ZDHHC17: variants seen among roughly 807,000 people sequenced by gnomAD.
The protein encoded by ZDHHC17 is zDHHC palmitoyltransferase 17, also known as palmitoyltransferase ZDHHC17.
A neutral mutation model predicts 90.3 loss-of-function variants in ZDHHC17; 40 were observed. The observed-to-expected ratio is 0.44, with a 90% confidence interval of 0.34 to 0.58. ZDHHC17 has a LOEUF of 0.58. ZDHHC17 is among the 20% of genes least tolerant of loss of function. The pLI is 0.01. For synonymous variants in ZDHHC17, 235 were observed against 252.4 expected (o/e 0.93, Z 0.65); for missense variants, 614 against 780.8 (o/e 0.79, Z 2.55).
At chr12:76,798,596 C>T (rs1952850877) in intron 2 of ZDHHC17, among the ~76,000 whole-genome samples, 3 of 151,980 alleles carry the variant, frequency 2.0e-5, no homozygotes, top group African/African-American at 7.3e-5. Flanking sequence ...TCCGTTCTCT[C>T]ACTGCTATAA....
At chr12:76,836,159 T>C (rs1953360013) in intron 10 of ZDHHC17, among the ~76,000 whole-genome samples, 1 of 152,032 alleles carries the variant, frequency 6.6e-6, no homozygotes, top group Non-Finnish European at 1.5e-5. Context: ...TGTTATGTTT[T>C]GATATCAACA....
At chr12:76,846,190 G>GT (rs1592500374) in intron 13 of ZDHHC17, 2 of 232,956 alleles carry the variant, frequency 8.6e-6, no homozygotes, top group East Asian at 2.1e-4. Context: ...AAACTACATG[G>GT]TTTGAGACAT....
At chr12:76,840,207 A>G (rs993933669) in intron 10 of ZDHHC17, 1 of 151,038 alleles carries the variant, frequency 6.6e-6, no homozygotes, top group Non-Finnish European at 1.5e-5. Flanking sequence ...CAAAATTAAA[A>G]GAAGTTTAAT....
At chr12:76,820,456 T>G (rs1442267866) in intron 7 of ZDHHC17, among the ~76,000 whole-genome samples, 4 of 152,316 alleles carry the variant, frequency 2.6e-5, no homozygotes, top group African/African-American at 9.6e-5. Flanking sequence ...CTGATAAATT[T>G]AGATGAATTG....
At chr12:76,769,508 T>A (rs1169902003) in intron 1 of ZDHHC17, among the ~76,000 whole-genome samples, 1 of 152,198 alleles carries the variant, frequency 6.6e-6, no homozygotes, top group Non-Finnish European at 1.5e-5. Flanking sequence ...ACAAAATGAC[T>A]TTGAAAGTTG....
intron 2 of ZDHHC17, among the ~76,000 whole-genome samples, chr12:76,801,107 C>CA (rs1952882612): frequency 6.6e-6 from 1 of 151,126 alleles, no homozygotes; most frequent in East Asian, 2.0e-4. Flanking sequence ...AGGCTGGTCT[C>CA]AAACTCCTGA....
intron 3 of ZDHHC17, among the ~76,000 whole-genome samples, chr12:76,807,322 T>C (rs965731203): frequency 6.6e-6 from 1 of 152,216 alleles, no homozygotes; most frequent in African/African-American, 2.4e-5. Flanking sequence ...TTTTCTGCAA[T>C]GTATTTATAT....
Position 76,814,957 on chromosome 12 carries a change from T to C in ZDHHC17, c.544-189T>C, listed in dbSNP as rs1056895344. 3.3e-5 allele frequency among the ~76,000 whole-genome samples: 5 copies of C among 152,116 alleles called. No homozygotes were observed. The East Asian group carries it at 5.8e-4, about 18-fold the overall frequency. ...AAGGGAATAATGTAAAAGCATGATA[T>C]ATGTTCACTAGAGTATATAGTGACA... On this transcript the variant is annotated intron_variant, in intron 5 of 16. Coordinates refer to ENST00000426126, the MANE Select transcript of ZDHHC17 (RefSeq NM_015336.4).
chr12:76,773,065 C>T (rs547341021), intron 1 of ZDHHC17, among the ~76,000 whole-genome samples: 167 of 152,280 alleles, frequency 1.1e-3, no homozygotes, highest in African/African-American at 3.9e-3. Flanking sequence ...ACCATGTTGG[C>T]CAGGCTGGTC....
intron 12 of ZDHHC17, chr12:76,844,311 A>C (rs968319153): frequency 2.6e-5 from 4 of 152,198 alleles, no homozygotes; most frequent in African/African-American, 9.6e-5. Context: ...CTATTATAAA[A>C]TCTTGCAGAT....
In ZDHHC17 at chr12:76,764,124, G is replaced by C. The variant is rs1159532856; in HGVS notation, c.-113G>C. ...AGGGGACAGAGGGGGCGTCACGGGG[G>C]CAGGAGAAGAAGGAGGAGGAGGCCC... On this transcript the variant is annotated 5_prime_UTR_variant, in exon 1 of 17. Transcript: ENST00000426126. 2 of 791,482 alleles carry C rather than the reference G, an allele frequency of 2.5e-6. No homozygotes were observed. Among genetic ancestry groups the C allele is most frequent in the South Asian group, 1.8e-5 (1 of 54,668 alleles). The allele number at this position is 791,482 out of a possible 1,614,324, so 49.0% of individuals were successfully genotyped here.
chr12:76,838,683 A>G (rs1016612633), intron 10 of ZDHHC17, among the ~76,000 whole-genome samples: 2 of 152,148 alleles, frequency 1.3e-5, no homozygotes, highest in African/African-American at 4.8e-5. Flanking sequence ...CATCCCCTCA[A>G]TTTTGTTAAG....
At chr12:76,780,233 T>C (rs574613512) in intron 1 of ZDHHC17, among the ~76,000 whole-genome samples, 220 of 152,358 alleles carry the variant, frequency 1.4e-3, no homozygotes, top group Non-Finnish European at 2.7e-3. Flanking sequence ...TGACAGTTTT[T>C]ACCATATTAA....
intron 10 of ZDHHC17, among the ~76,000 whole-genome samples, chr12:76,832,231 T>C (rs886958737): frequency 5.9e-5 from 9 of 152,180 alleles, no homozygotes; most frequent in African/African-American, 2.2e-4. Flanking sequence ...ACAAGGCTTA[T>C]AATATATGGT....
Position 76,797,429 on chromosome 12 carries a change from A to G in ZDHHC17, c.94-5A>G. ...CTTGCCTGTGTGTGATTTTCTTTTT[A>G]ACAGGAAATCAAACCCCAAAGCCAT... On this transcript the variant is annotated splice_polypyrimidine_tract_variant and splice_region_variant and intron_variant, in intron 1 of 16. Transcript: ENST00000426126. The G allele has an allele frequency of 6.3e-7, 1 of 1,590,294 alleles. No individual in the cohort carries two copies. Among genetic ancestry groups the G allele is most frequent in the East Asian group, 2.3e-5 (1 of 44,426 alleles).
chr12:76,816,364 AC>A (rs1450572479), intron 7 of ZDHHC17, among the ~76,000 whole-genome samples: 4 of 152,042 alleles, frequency 2.6e-5, no homozygotes, highest in African/African-American at 9.7e-5. Flanking sequence ...AAATCAGTAA[AC>A]ATTTTATTAA....
In ZDHHC17 at chr12:76,794,861, A is replaced by G. The variant is rs576824516; in HGVS notation, c.94-2573A>G. 2.6e-5 allele frequency among the ~76,000 whole-genome samples: 4 copies of G among 152,288 alleles called. No homozygotes were observed. In the South Asian group the frequency reaches 6.2e-4, roughly 24 times the overall value. ...AATCCTCAGAAAGAGACTTATTTTTATTCTATGAATATTATTGGTATGTAA... is the reference window on the plus strand; with the variant it reads ...AATCCTCAGAAAGAGACTTATTTTTGTTCTATGAATATTATTGGTATGTAA... On this transcript the variant is annotated intron_variant, in intron 1 of 16. Coordinates refer to ENST00000426126, the MANE Select transcript of ZDHHC17 (RefSeq NM_015336.4).
chr12:76,844,508 G>C (rs1475443247), intron 12 of ZDHHC17: 1 of 152,098 alleles, frequency 6.6e-6, no homozygotes, highest in Non-Finnish European at 1.5e-5. Flanking sequence ...CTTTGTAAGT[G>C]ATCCAAGGAA....
At chr12:76,817,017 T>G (rs1953096687) in intron 7 of ZDHHC17, among the ~76,000 whole-genome samples, 2 of 152,000 alleles carry the variant, frequency 1.3e-5, no homozygotes, top group Non-Finnish European at 2.9e-5. Flanking sequence ...AGTCAGCATA[T>G]CATAGTGCCT....
Sources: allele counts gnomAD v4.1 joint callset (sites outside exome capture counted in the v4.1 genomes callset), GRCh38; gene constraint gnomAD v4.1.1; transcripts MANE v1.5; gene names NCBI Gene and HGNC (gene_info 2026-07-23, HGNC 2026-07-21).